WWOX: variants seen among roughly 807,000 people sequenced by gnomAD.
WWOX encodes WW domain-containing oxidoreductase.
In WWOX, 69 loss-of-function variants were observed where a neutral mutation model predicts 46.2. The observed-to-expected ratio is 1.49, with a 90% confidence interval of 1.23 to 1.82. The LOEUF (loss-of-function observed/expected upper bound fraction) is 1.82, where lower values mean the gene tolerates loss of function less well. WWOX is among the 40% of genes most tolerant of loss of function. The pLI is 0.00. For missense variants in WWOX, 919 were observed against 542.6 expected (o/e 1.69, Z -6.89); for synonymous variants, 359 against 202.6 (o/e 1.77, Z -6.56).
chr16:78,656,179 T>G (rs879474260), intron 8 of WWOX, among the ~76,000 whole-genome samples: 9 of 152,078 alleles, frequency 5.9e-5, no homozygotes, highest in Admixed American at 1.3e-4. Context: ...TGTGTGTGTG[T>G]GGGTGGGTGG....
intron 8 of WWOX, among the ~76,000 whole-genome samples, chr16:78,518,500 C>T (rs889565146): frequency 2.6e-5 from 4 of 152,150 alleles, no homozygotes; most frequent in South Asian, 2.1e-4. Context: ...GGATTACAGA[C>T]GTGAGTGACC....
At chr16:78,837,400 T>C (rs2052018988) in intron 8 of WWOX, among the ~76,000 whole-genome samples, 2 of 152,226 alleles carry the variant, frequency 1.3e-5, no homozygotes, top group Non-Finnish European at 2.9e-5. Flanking sequence ...TGTGTGATAT[T>C]GCATCAAGGC....
intron 5 of WWOX, among the ~76,000 whole-genome samples, chr16:78,256,206 T>C (rs2038127536): frequency 6.8e-6 from 1 of 148,104 alleles, no homozygotes; most frequent in Non-Finnish European, 1.5e-5. Context: ...ATTTACTCCA[T>C]GAAGTGAGCA....
chr16:78,645,212 C>T (rs946382766), intron 8 of WWOX, among the ~76,000 whole-genome samples: 1 of 152,096 alleles, frequency 6.6e-6, no homozygotes, highest in Non-Finnish European at 1.5e-5. Context: ...TGGTCTTGTT[C>T]TACCCTTGAG....
chr16:78,779,539 A>G (rs1461135191), intron 8 of WWOX, among the ~76,000 whole-genome samples: 1 of 152,176 alleles, frequency 6.6e-6, no homozygotes, highest in Non-Finnish European at 1.5e-5. Flanking sequence ...TGTCCAAGGC[A>G]TTGTGCTCAG....
intron 8 of WWOX, among the ~76,000 whole-genome samples, chr16:79,152,080 C>T (rs1052260846): frequency 3.9e-5 from 6 of 152,164 alleles, no homozygotes; most frequent in African/African-American, 7.2e-5. Flanking sequence ...GTTAAATTTC[C>T]TCTAATACTA....
intron 8 of WWOX, among the ~76,000 whole-genome samples, chr16:78,614,362 T>C (rs2045971303): frequency 6.6e-6 from 1 of 152,266 alleles, no homozygotes; most frequent in Non-Finnish European, 1.5e-5. Flanking sequence ...GGTAAAATCA[T>C]GCTTATCATA....
intron 8 of WWOX, among the ~76,000 whole-genome samples, chr16:79,141,574 A>G (rs1172686511): frequency 6.6e-6 from 1 of 152,236 alleles, no homozygotes; most frequent in Non-Finnish European, 1.5e-5. Flanking sequence ...GCTTTGTAGA[A>G]GGTCGAGTTC....
At chr16:79,141,655 C>T (rs1227011929) in intron 8 of WWOX, among the ~76,000 whole-genome samples, 4 of 152,202 alleles carry the variant, frequency 2.6e-5, no homozygotes, top group Admixed American at 6.5e-5. Context: ...GTTTCTTGTT[C>T]ATATTTGGCC....
rs527714454 is a variant in WWOX at position 78,166,319 on chromosome 16, G to C, written c.516+2030G>C. On this transcript the variant is annotated intron_variant, in intron 5 of 8. Coordinates refer to ENST00000566780, the MANE Select transcript of WWOX (RefSeq NM_016373.4). ...CCATTTAGGTTGTTTGCATTGTTTTGCTATTTGTTATTCCAAGCAATGGTG... is the reference window on the plus strand; with the variant it reads ...CCATTTAGGTTGTTTGCATTGTTTTCCTATTTGTTATTCCAAGCAATGGTG... Among the ~76,000 whole-genome samples the C allele has an allele frequency of 1.8e-3, 279 of 152,110 alleles. 1 individual carries two copies. The highest frequency in any genetic ancestry group is 6.3e-3 in the African/African-American group (260 of 41,486).
chr16:78,629,053 G>A (rs1043634080), intron 8 of WWOX, among the ~76,000 whole-genome samples: 1 of 152,136 alleles, frequency 6.6e-6, no homozygotes, highest in Non-Finnish European at 1.5e-5. Flanking sequence ...GACCATAACT[G>A]CAGTGTTTTA....
chr16:79,186,824 C>T (rs1464062949), intron 8 of WWOX, among the ~76,000 whole-genome samples: 1 of 152,038 alleles, frequency 6.6e-6, no homozygotes, highest in Non-Finnish European at 1.5e-5. Context: ...GAAGCTTAGT[C>T]CACATTTCTC....
At position 78,712,198 on chromosome 16, in the gene WWOX, T is replaced by G. The variant is rs939928157; in HGVS notation, c.1056+279446T>G. On this transcript the variant is annotated intron_variant, in intron 8 of 8. Coordinates refer to ENST00000566780, the MANE Select transcript of WWOX (RefSeq NM_016373.4). ...ATAGGCTCATTCAGGGTGGTACGGCTGTAGACAAAATGCTATATGCATTGG... is the reference window on the plus strand; with the variant it reads ...ATAGGCTCATTCAGGGTGGTACGGCGGTAGACAAAATGCTATATGCATTGG... Among the ~76,000 whole-genome samples the G allele has an allele frequency of 3.0e-4, 45 of 152,108 alleles. 1 individual carries two copies. The highest frequency in any genetic ancestry group is 1.1e-3 in the African/African-American group (45 of 41,416).
intron 8 of WWOX, among the ~76,000 whole-genome samples, chr16:79,141,828 G>A (rs1480384952): frequency 6.6e-6 from 1 of 152,082 alleles, no homozygotes; most frequent in Non-Finnish European, 1.5e-5. Flanking sequence ...CCAGAAGGAA[G>A]CAGTGTCCAT....
chr16:79,093,840 A>T (rs11865164), intron 8 of WWOX, among the ~76,000 whole-genome samples: 4,829 of 152,242 alleles, frequency 0.032, 118 homozygotes, highest in African/African-American at 0.068. Flanking sequence ...GTAAAAAGGG[A>T]AAAGGGGAAC....
intron 8 of WWOX, among the ~76,000 whole-genome samples, chr16:78,997,656 C>A (rs776919934): frequency 6.6e-6 from 1 of 152,110 alleles, no homozygotes; most frequent in East Asian, 1.9e-4. Context: ...TTTCCTCCCT[C>A]CCTGTCTCTC....
intron 8 of WWOX, among the ~76,000 whole-genome samples, chr16:78,826,292 G>A (rs148151858): frequency 1.3e-5 from 2 of 152,216 alleles, no homozygotes; most frequent in African/African-American, 4.8e-5. Context: ...GTTGCAGTGA[G>A]CCAAGATCGT....
intron 8 of WWOX, among the ~76,000 whole-genome samples, chr16:79,119,625 G>A (rs569864140): frequency 1.3e-5 from 2 of 152,282 alleles, no homozygotes; most frequent in South Asian, 2.1e-4. Context: ...ATGTGCCAGC[G>A]GCACACACAT....
At chr16:78,484,980 C>T (rs2667574) in intron 8 of WWOX, among the ~76,000 whole-genome samples, 1 of 151,942 alleles carries the variant, frequency 6.6e-6, no homozygotes, top group Non-Finnish European at 1.5e-5. Context: ...CTCTGCCCTG[C>T]CTTCTGATGA....
Sources: gnomAD v4.1 joint callset for allele counts (sites outside exome capture counted in the v4.1 genomes callset) on GRCh38, gnomAD v4.1.1 for gene constraint, MANE v1.5 for transcripts, NCBI Gene and HGNC (gene_info 2026-07-23, HGNC 2026-07-21) for gene names.